The following RDX variants were observed in gnomAD, a reference collection of about 807,000 sequenced individuals.
RDX encodes radixin.
Under a neutral mutation model 83.7 loss-of-function variants are expected in RDX, and 32 were observed. That is an observed-to-expected ratio of 0.38 (90% CI 0.29 to 0.51). The LOEUF (loss-of-function observed/expected upper bound fraction) is 0.51. RDX is among the 20% of genes least tolerant of loss of function. RDX has a pLI of 0.87. For missense variants in RDX, 600 were observed against 689.9 expected, an observed-to-expected ratio of 0.87 and a Z score of 1.46; for synonymous variants, 229 against 222.7, an observed-to-expected ratio of 1.03 and a Z score of -0.25.
At chr11:110,209,223 T>G (rs368974045) in intron 14 of RDX, among the ~76,000 whole-genome samples, 2 of 151,960 alleles carry the variant, frequency 1.3e-5, no homozygotes, top group Admixed American at 6.5e-5. Context: ...AAGAAAGGGG[T>G]GACGGACGGC....
chr11:110,231,864 A>G lies in RDX; in HGVS notation c.*5T>C, dbSNP rs375311118. On this transcript the variant is annotated 3_prime_UTR_variant, in exon 14 of 14. Transcript: ENST00000645495. ...ATGAAGAACATATATGCAAAATAAC[A>G]GCTCTCACATTGCTTCAAACTCATC... 25 of 1,612,066 alleles carry G rather than the reference A, an allele frequency of 1.6e-5. No homozygotes were observed. In the African/African-American group the frequency reaches 3.1e-4, roughly 20 times the overall value.
At chr11:110,295,641 T>TAA in intron 1 of RDX, among the ~76,000 whole-genome samples, 2 of 62,284 alleles carry the variant, frequency 3.2e-5, no homozygotes, top group South Asian at 7.5e-4. Flanking sequence ...CTGTTTAAAC[T>TAA]GAAAAAAAAA....
chr11:110,188,876 A>T (rs1272911089), intron 15 of RDX, among the ~76,000 whole-genome samples: 1 of 152,186 alleles, frequency 6.6e-6, no homozygotes, highest in East Asian at 1.9e-4. Flanking sequence ...ATGAAAAAAC[A>T]ATACCTATCA....
intron 5 of RDX, among the ~76,000 whole-genome samples, chr11:110,259,217 C>T (rs149845773): frequency 0.017 from 2,611 of 152,228 alleles, 91 homozygotes; most frequent in African/African-American, 0.056. Context: ...GGATTACAGG[C>T]GTGAGCTACC....
At chr11:110,192,705 G>A (rs1863125453) in intron 15 of RDX, among the ~76,000 whole-genome samples, 1 of 152,118 alleles carries the variant, frequency 6.6e-6, no homozygotes. Context: ...AGTAGGCAGA[G>A]GACATGAACA....
chr11:110,269,806 G>C (rs952249037), intron 3 of RDX, among the ~76,000 whole-genome samples: 4 of 152,146 alleles, frequency 2.6e-5, no homozygotes, highest in African/African-American at 9.7e-5. Flanking sequence ...GGGAGGCCGA[G>C]GGAGGCGGAT....
intron 14 of RDX, among the ~76,000 whole-genome samples, chr11:110,219,621 T>C (rs1864177419): frequency 6.6e-6 from 1 of 152,120 alleles, no homozygotes; most frequent in African/African-American, 2.4e-5. Flanking sequence ...AGAATTATGA[T>C]TGGACTGGAT....
chr11:110,228,012 T>C (rs1272317773), downstream of RDX, among the ~76,000 whole-genome samples: 1 of 152,068 alleles, frequency 6.6e-6, no homozygotes, highest in East Asian at 1.9e-4. Context: ...TAAATCTGAG[T>C]GTCTACTACC....
At chr11:110,275,841 G>C (rs1860492743) in intron 2 of RDX, among the ~76,000 whole-genome samples, 1 of 140,824 alleles carries the variant, frequency 7.1e-6, no homozygotes, top group South Asian at 2.2e-4. Flanking sequence ...CTAGTGTGCA[G>C]TGACGTGATC....
rs1009273819 is a variant in RDX at position 110,229,976 on chromosome 11, T to A, written c.*1893A>T. The A allele has an allele frequency of 3.3e-5, 5 of 152,530 alleles. No homozygotes were observed. The highest frequency in any genetic ancestry group is 1.2e-4 in the African/African-American group (5 of 41,440). 9.4% of individuals were successfully genotyped at this position (152,530 alleles called of 1,614,324 possible). A position where few individuals can be genotyped will look rare whatever the true frequency, so the allele number is the denominator to read the frequency against. On this transcript the variant is annotated 3_prime_UTR_variant, in exon 14 of 14. Transcript: ENST00000645495. ...AGTAGGAATATTCTCTTCCATAGGA[T>A]TCTGAAGCATGTGCACAACCATGGT...
chr11:110,255,337 T>C lies in RDX; in HGVS notation c.747A>G (p.Ser249=). ...TTATAACAAATTTTTTGTCATTAAA[T>C]GAAATATTTCTGATTTCACTCCAGG... is the stretch of plus-strand genomic sequence containing the variant. The part of the protein sequence containing the change: ...GFPWSEIRNI[S]FNDKKFVIKP... The change falls in exon 8 of 14, where the codon TCA becomes TCG. Residue 249 remains serine, a synonymous_variant. Coordinates refer to ENST00000645495, the MANE Select transcript of RDX (RefSeq NM_002906.4). 6.3e-7 allele frequency: 1 copy of C among 1,595,346 alleles called. No homozygotes were observed. Among genetic ancestry groups the C allele is most frequent in the South Asian group, 1.1e-5 (1 of 90,538 alleles).
At chr11:110,222,061 T>C (rs1176814778) in intron 14 of RDX, among the ~76,000 whole-genome samples, 3 of 152,252 alleles carry the variant, frequency 2.0e-5, no homozygotes, top group Non-Finnish European at 4.4e-5. Flanking sequence ...ATAAACATCA[T>C]GCCTTCTTTT....
intron 5 of RDX, among the ~76,000 whole-genome samples, chr11:110,261,761 T>A (rs1161938185): frequency 6.6e-6 from 1 of 152,240 alleles, no homozygotes; most frequent in Admixed American, 6.5e-5. Flanking sequence ...AATAGGCATT[T>A]GCACTAGCAA....
At chr11:110,289,701 G>A (rs184653482) in intron 1 of RDX, among the ~76,000 whole-genome samples, 1 of 151,758 alleles carries the variant, frequency 6.6e-6, no homozygotes, top group South Asian at 2.1e-4. Context: ...TGAATCACTT[G>A]AGGTCAGGAG....
chr11:110,262,918 T>C (rs1859861161), intron 5 of RDX, among the ~76,000 whole-genome samples: 1 of 152,162 alleles, frequency 6.6e-6, no homozygotes, highest in Non-Finnish European at 1.5e-5. Flanking sequence ...CAGTACACTG[T>C]AGATAAGAAC....
chr11:110,235,182 A>G (rs1234461654), intron 12 of RDX, among the ~76,000 whole-genome samples: 2 of 152,138 alleles, frequency 1.3e-5, no homozygotes, highest in African/African-American at 4.8e-5. Context: ...CAAGACCTCC[A>G]TTCTCAACAA....
At chr11:110,181,677 T>C (rs1289497691) in intron 15 of RDX, 4 of 152,378 alleles carry the variant, frequency 2.6e-5, no homozygotes. Flanking sequence ...GAAATGGCAA[T>C]GGACAAAGGC....
chr11:110,266,464 G>GA (rs1860054943), intron 3 of RDX, among the ~76,000 whole-genome samples: 1 of 152,146 alleles, frequency 6.6e-6, no homozygotes, highest in Non-Finnish European at 1.5e-5. Flanking sequence ...TGAGGAAAAT[G>GA]ATCCAGGGGA....
intron 7 of RDX, among the ~76,000 whole-genome samples, chr11:110,256,865 G>A (rs1226707789): frequency 6.6e-6 from 1 of 152,070 alleles, no homozygotes; most frequent in Non-Finnish European, 1.5e-5. Context: ...GCTCTTGTTT[G>A]GAATCACATA....
Sources: gnomAD v4.1 joint callset for allele counts (sites outside exome capture counted in the v4.1 genomes callset) on GRCh38, gnomAD v4.1.1 for gene constraint, MANE v1.5 for transcripts, NCBI Gene and HGNC (gene_info 2026-07-23, HGNC 2026-07-21) for gene names.